DCBLD2: variants seen among roughly 807,000 people sequenced by gnomAD.
The protein encoded by DCBLD2 is discoidin, CUB and LCCL domain-containing protein 2.
Under a neutral mutation model 86.8 loss-of-function variants are expected in DCBLD2, and 54 were observed. That is an observed-to-expected ratio of 0.62 (90% CI 0.50 to 0.78). The LOEUF (loss-of-function observed/expected upper bound fraction) is 0.78, where lower values mean the gene tolerates loss of function less well. DCBLD2 is among the 30% of genes least tolerant of loss of function. The pLI, the probability that DCBLD2 is intolerant of heterozygous loss-of-function variation, is 0.00. For missense variants in DCBLD2, 908 were observed against 954.2 expected, an observed-to-expected ratio of 0.95 and a Z score of 0.64; for synonymous variants, 354 against 341.3, an observed-to-expected ratio of 1.04 and a Z score of -0.41.
intron 2 of DCBLD2, among the ~76,000 whole-genome samples, chr3:98,876,386 G>A (rs1576198132): frequency 2.1e-5 from 1 of 47,464 alleles, no homozygotes; most frequent in South Asian, 6.0e-4. Flanking sequence ...CAGAAAAACG[G>A]GCAAAAGACA....
chr3:98,852,781 C>T (rs1164122834), intron 2 of DCBLD2, among the ~76,000 whole-genome samples: 1 of 152,170 alleles, frequency 6.6e-6, no homozygotes, highest in Non-Finnish European at 1.5e-5. Flanking sequence ...CATTGCAAGT[C>T]ACCTCTAGAA....
At chr3:98,843,313 A>T (rs1467312215) in intron 3 of DCBLD2, among the ~76,000 whole-genome samples, 2 of 152,222 alleles carry the variant, frequency 1.3e-5, no homozygotes, top group African/African-American at 4.8e-5. Context: ...ATAGTATCAG[A>T]GTTTTAAAAT....
At chr3:98,821,650 T>A (rs1942119967) in intron 6 of DCBLD2, among the ~76,000 whole-genome samples, 1 of 152,156 alleles carries the variant, frequency 6.6e-6, no homozygotes, top group Non-Finnish European at 1.5e-5. Context: ...AGACTTTTTT[T>A]TAACACTTAG....
chr3:98,836,062 G>C (rs568818634), intron 3 of DCBLD2, among the ~76,000 whole-genome samples: 2 of 110,962 alleles, frequency 1.8e-5, no homozygotes, highest in South Asian at 5.5e-4. Context: ...CTGTGTGTGT[G>C]TGTATGTGTG....
At chr3:98,812,597 T>A in intron 9 of DCBLD2, 115 bp from the exon 10 acceptor site, 1 of 849,258 alleles carries the variant, frequency 1.2e-6, no homozygotes, top group South Asian at 2.2e-5. Context: ...ATCTGGAAAG[T>A]ATGATAATAA....
intron 9 of DCBLD2, chr3:98,814,094 C>T (rs1433143475): frequency 1.3e-5 from 2 of 152,160 alleles, no homozygotes; most frequent in Non-Finnish European, 2.9e-5. Flanking sequence ...AAATGTTTAA[C>T]TTCTCAATCA....
intron 2 of DCBLD2, among the ~76,000 whole-genome samples, chr3:98,851,974 T>TA (rs1942845968): frequency 6.6e-6 from 1 of 152,048 alleles, no homozygotes; most frequent in Non-Finnish European, 1.5e-5. Flanking sequence ...CCTAAAACCA[T>TA]AAAAAACCTA....
At position 98,882,484 on chromosome 3, in the gene DCBLD2, C is replaced by T. The variant is rs548333801; in HGVS notation, c.206-717G>A. Among the ~76,000 whole-genome samples, 12 of 152,064 alleles carry T rather than the reference C, an allele frequency of 7.9e-5. No homozygotes were observed. In the East Asian group the frequency reaches 2.1e-3, roughly 27 times the overall value. The stretch of plus-strand genomic sequence containing the variant: ...GTACATGTGCACAATGCGCAGGTTA[C>T]ACAGATATACATGTGCCATGTTGGT... On this transcript the variant is annotated intron_variant, in intron 1 of 15. Transcript: ENST00000326840.
chr3:98,857,359 C>A (rs933204187), intron 2 of DCBLD2, among the ~76,000 whole-genome samples: 2 of 152,218 alleles, frequency 1.3e-5, no homozygotes, highest in Admixed American at 6.5e-5. Flanking sequence ...GGGACCCAAG[C>A]TGGGTTGCCA....
intron 1 of DCBLD2, among the ~76,000 whole-genome samples, chr3:98,899,086 A>G (rs1259245970): frequency 4.0e-5 from 6 of 151,684 alleles, no homozygotes; most frequent in African/African-American, 1.5e-4. Context: ...AAGAACTAAA[A>G]AAAAAAAAAG....
At chr3:98,898,314 G>C (rs1943785616) in intron 1 of DCBLD2, among the ~76,000 whole-genome samples, 1 of 151,026 alleles carries the variant, frequency 6.6e-6, no homozygotes, top group Admixed American at 6.6e-5. Flanking sequence ...ACATTAATTG[G>C]AATGAAGGTA....
At chr3:98,807,966 T>A in intron 13 of DCBLD2, 115 bp downstream of exon 13, 1 of 744,472 alleles carries the variant, frequency 1.3e-6, no homozygotes, top group South Asian at 4.2e-5. Flanking sequence ...AAATTTTCAT[T>A]TTAATAATTA....
intron 2 of DCBLD2, among the ~76,000 whole-genome samples, chr3:98,878,487 A>G (rs1943408092): frequency 6.8e-6 from 1 of 147,540 alleles, no homozygotes; most frequent in African/African-American, 2.5e-5. Flanking sequence ...CTGAGAAAAC[A>G]TGATATAGGG....
chr3:98,864,209 T>TC (rs1337243719), intron 2 of DCBLD2, among the ~76,000 whole-genome samples: 1 of 152,224 alleles, frequency 6.6e-6, no homozygotes, highest in African/African-American at 2.4e-5. Flanking sequence ...AAATAACAGG[T>TC]GCTGGAGAGG....
chr3:98,856,250 T>C (rs1291434705), intron 2 of DCBLD2, among the ~76,000 whole-genome samples: 5 of 152,092 alleles, frequency 3.3e-5, no homozygotes, highest in Non-Finnish European at 7.4e-5. Flanking sequence ...TGCTGAGAAA[T>C]GGACAGTTGT....
At chr3:98,806,283 T>C (rs1941837156) in intron 13 of DCBLD2, among the ~76,000 whole-genome samples, 1 of 152,160 alleles carries the variant, frequency 6.6e-6, no homozygotes, top group Admixed American at 6.5e-5. Context: ...TAAAATAAAA[T>C]TGAAAATAGA....
At chr3:98,872,016 G>T (rs1943288729) in intron 2 of DCBLD2, among the ~76,000 whole-genome samples, 1 of 152,114 alleles carries the variant, frequency 6.6e-6, no homozygotes, top group African/African-American at 2.4e-5. Flanking sequence ...ATTCAAATTT[G>T]TGGGATTGTG....
intron 2 of DCBLD2, among the ~76,000 whole-genome samples, chr3:98,865,966 T>A (rs1201929508): frequency 6.6e-6 from 1 of 151,332 alleles, no homozygotes; most frequent in African/African-American, 2.4e-5. Flanking sequence ...GGTGTTCGGT[T>A]TTTTGTCCTT....
At chr3:98,801,872 A>G (rs991020215) in intron 13 of DCBLD2, 1 of 445,884 alleles carries the variant, frequency 2.2e-6, no homozygotes, top group Non-Finnish European at 4.0e-6. Flanking sequence ...ATGTCACTAC[A>G]AAGGACAGGA....
Sources: gnomAD v4.1 joint callset for allele counts (sites outside exome capture counted in the v4.1 genomes callset) on GRCh38, gnomAD v4.1.1 for gene constraint, MANE v1.5 for transcripts, NCBI Gene and HGNC (gene_info 2026-07-23, HGNC 2026-07-21) for gene names.